Variants in CDC42BPA observed in about 807,000 individuals in gnomAD.
The protein encoded by CDC42BPA is serine/threonine-protein kinase MRCK alpha.
In CDC42BPA, 80 loss-of-function variants were observed where a neutral mutation model predicts 223.5. The observed-to-expected ratio is 0.36, with a 90% CI of 0.30 to 0.43. The LOEUF (loss-of-function observed/expected upper bound fraction) is 0.43. Among genes scored for constraint, CDC42BPA ranks in the 20% least tolerant of loss-of-function variants. The pLI is 1.00. For missense variants in CDC42BPA, 1,743 were observed against 2,099.9 expected, an observed-to-expected ratio of 0.83 and a Z score of 3.32; for synonymous variants, 694 against 718.6, an observed-to-expected ratio of 0.97 and a Z score of 0.55.
At chr1:227,056,146 A>C (rs1674505739) in intron 21 of CDC42BPA, among the ~76,000 whole-genome samples, 1 of 152,130 alleles carries the variant, frequency 6.6e-6, no homozygotes, top group African/African-American at 2.4e-5. Context: ...TAAATAATAA[A>C]AATAACTAAA....
At chr1:227,043,189 C>A (rs370812823) in intron 23 of CDC42BPA, among the ~76,000 whole-genome samples, 2 of 152,120 alleles carry the variant, frequency 1.3e-5, no homozygotes, top group Admixed American at 1.3e-4. Context: ...CCAAGGAGGG[C>A]GGATCACGAG....
rs988854305 is a variant in CDC42BPA at position 227,034,702 on chromosome 1, T to G, written c.3429A>C (p.Gly1143=). The change falls in exon 26 of 37, where the codon GGA becomes GGC. Residue 1143 remains glycine, a synonymous_variant. Transcript: ENST00000366766. The part of the protein sequence containing the change: ...FKLFLYDIAE[G]KASQPSVVIS... ...TGACAACACTGGGCTGAGATGCTTT[T>G]CCTTCAGCAATATCGTACAGAAAGA... The G allele has an allele frequency of 1.2e-5, 20 of 1,613,654 alleles. No individual in the cohort carries two copies. The highest frequency in any genetic ancestry group is 1.7e-5 in the Non-Finnish European group (20 of 1,179,784).
intron 10 of CDC42BPA, among the ~76,000 whole-genome samples, chr1:227,133,124 G>T (rs189476825): frequency 0.15 from 21,825 of 147,874 alleles, 2,055 homozygotes; most frequent in African/African-American, 0.24. Flanking sequence ...CGCCCTGTCC[G>T]GGAGGCGAGG....
intron 1 of CDC42BPA, among the ~76,000 whole-genome samples, chr1:227,299,475 T>C (rs996364666): frequency 3.9e-5 from 6 of 152,162 alleles, no homozygotes; most frequent in Admixed American, 3.3e-4. Context: ...ATACACCTAA[T>C]TGAAAACAAA....
intron 4 of CDC42BPA, among the ~76,000 whole-genome samples, chr1:227,196,338 C>CTTTTTTTTTTTTT (rs34352900): frequency 1.2e-4 from 11 of 92,358 alleles, no homozygotes; most frequent in Admixed American, 1.0e-3. Flanking sequence ...TTAAACAATA[C>CTTTTTTTTTTTTT]TTTTTTTTTT....
intron 1 of CDC42BPA, among the ~76,000 whole-genome samples, chr1:227,305,687 C>T (rs1274693329): frequency 6.6e-6 from 1 of 152,234 alleles, no homozygotes; most frequent in Non-Finnish European, 1.5e-5. Context: ...TAGCATCTGC[C>T]GGGAGTGGTG....
At chr1:227,065,097 A>AAAATAAATAAAT (rs61601477) in intron 21 of CDC42BPA, among the ~76,000 whole-genome samples, 14,469 of 148,704 alleles carry the variant, frequency 0.097, 791 homozygotes, top group Middle Eastern at 0.16. Context: ...ACTCCATCTC[A>AAAATAAATAAAT]AAATAAATAA....
intron 5 of CDC42BPA, among the ~76,000 whole-genome samples, chr1:227,190,407 A>G (rs1361639304): frequency 6.6e-6 from 1 of 152,208 alleles, no homozygotes; most frequent in East Asian, 1.9e-4. Context: ...GTGTTAGAAT[A>G]CAGTGAATAG....
chr1:227,265,363 A>G (rs1036970841), intron 1 of CDC42BPA, among the ~76,000 whole-genome samples: 1 of 152,120 alleles, frequency 6.6e-6, no homozygotes, highest in Middle Eastern at 3.2e-3. Flanking sequence ...GGATTTAATA[A>G]AACAATTTAT....
chr1:227,076,705 T>A (rs1218909446), intron 17 of CDC42BPA, among the ~76,000 whole-genome samples: 2 of 152,204 alleles, frequency 1.3e-5, no homozygotes, highest in African/African-American at 2.4e-5. Context: ...ACAGTTATTA[T>A]TACTATACAT....
intron 1 of CDC42BPA, among the ~76,000 whole-genome samples, chr1:227,312,703 C>T (rs1425949091): frequency 1.3e-5 from 2 of 152,030 alleles, no homozygotes; most frequent in Non-Finnish European, 1.5e-5. Flanking sequence ...GGATTTGTGC[C>T]GTCACCCAAA....
chr1:227,297,298 A>T (rs1360143984), intron 1 of CDC42BPA, among the ~76,000 whole-genome samples: 1 of 152,228 alleles, frequency 6.6e-6, no homozygotes, highest in African/African-American at 2.4e-5. Flanking sequence ...AATGTTAGCA[A>T]GCATGTAGCA....
At chr1:227,312,117 T>C (rs1693637802) in intron 1 of CDC42BPA, among the ~76,000 whole-genome samples, 1 of 152,258 alleles carries the variant, frequency 6.6e-6, no homozygotes, top group South Asian at 2.1e-4. Flanking sequence ...TTATTCCTTC[T>C]ATATTTGATG....
At chr1:227,172,669 T>C (rs1001234848) in intron 5 of CDC42BPA, among the ~76,000 whole-genome samples, 11 of 151,732 alleles carry the variant, frequency 7.2e-5, no homozygotes, top group African/African-American at 2.4e-4. Context: ...GATAGTATAG[T>C]TGGGGGAAAC....
intron 3 of CDC42BPA, among the ~76,000 whole-genome samples, chr1:227,212,078 GTTTT>G (rs1329569718): frequency 6.6e-6 from 1 of 151,322 alleles, no homozygotes; most frequent in South Asian, 2.1e-4. Flanking sequence ...ACTTCTGAGG[GTTTT>G]TGTTTGTTTG....
At chr1:227,192,099 A>G (rs1669818311) in intron 5 of CDC42BPA, among the ~76,000 whole-genome samples, 1 of 152,252 alleles carries the variant, frequency 6.6e-6, no homozygotes, top group Admixed American at 6.5e-5. Context: ...AGATCTGATA[A>G]AATACAAATT....
chr1:227,239,613 G>A (rs774239180), intron 2 of CDC42BPA, among the ~76,000 whole-genome samples: 1 of 151,958 alleles, frequency 6.6e-6, no homozygotes, highest in Non-Finnish European at 1.5e-5. Context: ...ATTAATCAAA[G>A]TAATCCACTA....
intron 3 of CDC42BPA, among the ~76,000 whole-genome samples, chr1:227,205,268 C>CA (rs1158919272): frequency 2.2e-3 from 244 of 110,138 alleles, no homozygotes; most frequent in African/African-American, 6.6e-3. Context: ...GACTCTGTCT[C>CA]AAAAAAAAAA....
At chr1:227,071,721 C>CA (rs1341970025) in intron 20 of CDC42BPA, among the ~76,000 whole-genome samples, 2 of 118,038 alleles carry the variant, frequency 1.7e-5, no homozygotes, top group African/African-American at 6.3e-5. Context: ...CCCACCCCCC[C>CA]CCCCCCAATT....
Sources: gnomAD v4.1 joint callset for allele counts (sites outside exome capture counted in the v4.1 genomes callset) on GRCh38, gnomAD v4.1.1 for gene constraint, MANE v1.5 for transcripts, NCBI Gene and HGNC (gene_info 2026-07-23, HGNC 2026-07-21) for gene names.